SCAPER: variants seen among roughly 807,000 people sequenced by gnomAD.
The protein encoded by SCAPER is S-phase cyclin A associated protein in the ER.
Under a neutral mutation model 182.2 loss-of-function variants are expected in SCAPER, and 98 were observed. The ratio of observed to expected loss-of-function variants is 0.54; its 90% CI spans 0.46 to 0.64. The LOEUF is 0.64. Among genes scored for constraint, SCAPER ranks in the 30% least tolerant of loss-of-function variants. The pLI, the probability that SCAPER is intolerant of heterozygous loss-of-function variation, is 0.00. For synonymous variants in SCAPER, 605 were observed against 564.6 expected, an observed-to-expected ratio of 1.07 and a Z score of -1.01; for missense variants, 1,432 against 1,690.0, an observed-to-expected ratio of 0.85 and a Z score of 2.68.
chr15:76,771,335 A>G lies in SCAPER; in HGVS notation c.1248+407T>C, dbSNP rs916581574. Reference sequence around the variant, plus strand: ...AAATTTCATCTTAAAGACCAACTCCAAGCAAATGATAGTGGCTGTCTAAAG... The same window carrying G: ...AAATTTCATCTTAAAGACCAACTCCGAGCAAATGATAGTGGCTGTCTAAAG... On this transcript the variant is annotated intron_variant, in intron 10 of 31. Transcript: ENST00000563290. Among the ~76,000 whole-genome samples the G allele has an allele frequency of 2.6e-5, 4 of 152,150 alleles. No homozygotes were observed. The South Asian group carries it at 8.3e-4, about 31-fold the overall frequency.
chr15:76,793,447 C>A, intron 8 of SCAPER: 2 of 534,386 alleles, frequency 3.7e-6, no homozygotes. Flanking sequence ...AACTCCTCAG[C>A]CTTCAGGGAG....
chr15:76,748,598 G>C (rs2061930309), intron 15 of SCAPER, among the ~76,000 whole-genome samples: 2 of 150,660 alleles, frequency 1.3e-5, no homozygotes, highest in South Asian at 4.2e-4. Context: ...CAAATCACAA[G>C]TTTCATAAGG....
At chr15:76,898,715 TGA>T (rs1185676877) in intron 1 of SCAPER, among the ~76,000 whole-genome samples, 1 of 152,124 alleles carries the variant, frequency 6.6e-6, no homozygotes, top group East Asian at 1.9e-4. Flanking sequence ...AGAAAGTAGA[TGA>T]GAGGGTGGCT....
intron 22 of SCAPER, among the ~76,000 whole-genome samples, chr15:76,588,096 T>C (rs529677370): frequency 1.3e-5 from 2 of 152,174 alleles, no homozygotes; most frequent in African/African-American, 2.4e-5. Context: ...TAATTTTTTG[T>C]ATTTTTTAGT....
At chr15:76,618,012 A>G (rs1597719544) in intron 22 of SCAPER, among the ~76,000 whole-genome samples, 1 of 152,316 alleles carries the variant, frequency 6.6e-6, no homozygotes, top group South Asian at 2.1e-4. Context: ...TAATCCCAGC[A>G]CTTCGGGAGG....
intron 28 of SCAPER, chr15:76,380,514 A>G (rs1034393204): frequency 1.3e-5 from 2 of 152,222 alleles, no homozygotes; most frequent in Admixed American, 1.3e-4. Flanking sequence ...TTCTCATCTC[A>G]GAATGGCAAA....
At chr15:76,708,450 C>A in intron 17 of SCAPER, among the ~76,000 whole-genome samples, 1 of 149,788 alleles carries the variant, frequency 6.7e-6, no homozygotes, top group Admixed American at 6.6e-5. Flanking sequence ...ATTAGAAATG[C>A]AGGGAGGGTG....
intron 23 of SCAPER, among the ~76,000 whole-genome samples, chr15:76,541,136 A>C (rs1044034045): frequency 6.6e-6 from 1 of 152,094 alleles, no homozygotes; most frequent in African/African-American, 2.4e-5. Flanking sequence ...AGAAAAAAAA[A>C]ACCATGTTTG....
At chr15:76,498,933 T>C (rs1439573528) in intron 24 of SCAPER, among the ~76,000 whole-genome samples, 2 of 152,202 alleles carry the variant, frequency 1.3e-5, no homozygotes, top group Admixed American at 1.3e-4. Context: ...TAAATGCATA[T>C]ACTGTAAAGA....
At chr15:76,723,503 A>G (rs536204651) in intron 17 of SCAPER, among the ~76,000 whole-genome samples, 6 of 152,176 alleles carry the variant, frequency 3.9e-5, no homozygotes, top group African/African-American at 1.2e-4. Context: ...TTTCTGTCTC[A>G]TTGATCTGTC....
intron 23 of SCAPER, among the ~76,000 whole-genome samples, chr15:76,571,094 C>G (rs2047403345): frequency 6.6e-6 from 1 of 152,132 alleles, no homozygotes; most frequent in Admixed American, 6.6e-5. Context: ...CTTTTACTTT[C>G]ATCACCTTAC....
At chr15:76,778,492 A>G (rs2063882433) in intron 8 of SCAPER, among the ~76,000 whole-genome samples, 1 of 152,278 alleles carries the variant, frequency 6.6e-6, no homozygotes, top group Non-Finnish European at 1.5e-5. Flanking sequence ...CAAGAAATGC[A>G]AAGCAGTTCA....
In SCAPER at chr15:76,710,552, AC is replaced by A. The variant is rs772210866; in HGVS notation, c.2166-4569del. On this transcript the variant is annotated intron_variant, in intron 17 of 31. Coordinates refer to ENST00000563290, the MANE Select transcript of SCAPER (RefSeq NM_020843.4). ...TCCATTTACAGCAGCTTTAAAGAGT[AC>A]TTAGAAATAAATTTTAAAAAGAACT... is the stretch of plus-strand genomic sequence containing the variant. Among the ~76,000 whole-genome samples the A allele has an allele frequency of 6.6e-5, 10 of 152,286 alleles. No individual in the cohort carries two copies. In the East Asian group the frequency reaches 1.9e-3, roughly 29 times the overall value.
intron 10 of SCAPER, among the ~76,000 whole-genome samples, chr15:76,769,442 C>CAAAA (rs36078656): frequency 1.4e-4 from 10 of 69,944 alleles, no homozygotes; most frequent in African/African-American, 2.7e-4. Flanking sequence ...GACTCTGTCT[C>CAAAA]AAAAAAAAAA....
At chr15:76,718,092 T>C (rs868024761) in intron 17 of SCAPER, among the ~76,000 whole-genome samples, 3 of 152,170 alleles carry the variant, frequency 2.0e-5, no homozygotes, top group Non-Finnish European at 2.9e-5. Context: ...CAGATCACTA[T>C]GATATAAAAC....
intron 25 of SCAPER, among the ~76,000 whole-genome samples, chr15:76,461,580 TTTGA>T (rs1329317617): frequency 6.6e-6 from 1 of 152,122 alleles, no homozygotes; most frequent in East Asian, 1.9e-4. Flanking sequence ...TAAATTTCTG[TTTGA>T]TTCTTTATTA....
intron 22 of SCAPER, among the ~76,000 whole-genome samples, chr15:76,595,627 G>A (rs1286142492): frequency 1.6e-5 from 2 of 122,116 alleles, no homozygotes; most frequent in African/African-American, 5.0e-5. Context: ...TCAGACCACA[G>A]CACAACCAAA....
chr15:76,843,736 C>T (rs1444220215), intron 4 of SCAPER, among the ~76,000 whole-genome samples: 7 of 152,008 alleles, frequency 4.6e-5, no homozygotes. Flanking sequence ...GCAGGAGTAT[C>T]ACTTGAGCCC....
intron 22 of SCAPER, among the ~76,000 whole-genome samples, chr15:76,593,213 G>A (rs2049255560): frequency 8.2e-6 from 1 of 121,352 alleles, no homozygotes; most frequent in African/African-American, 2.5e-5. Context: ...TGGGAAGTTC[G>A]AGCTGGGTGG....
Sources: allele counts gnomAD v4.1 joint callset (sites outside exome capture counted in the v4.1 genomes callset), GRCh38; gene constraint gnomAD v4.1.1; transcripts MANE v1.5; gene names NCBI Gene and HGNC (gene_info 2026-07-23, HGNC 2026-07-21).